VCF1: variants seen among roughly 807,000 people sequenced by gnomAD.
VCF1 encodes the protein VCP nuclear cofactor family member 1, also known as protein VCF1.
At chr17:73,224,840 C>CAGG in the VCF1 span, among the ~76,000 whole-genome samples, 5 of 130,114 alleles carry the variant, frequency 3.8e-5, no homozygotes, top group African/African-American at 9.1e-5. Flanking sequence ...CACAGCACAG[C>CAGG]ACAGGACAGG....
chr17:73,207,701 G>A, the VCF1 span: 12 of 1,292,402 alleles, frequency 9.3e-6, no homozygotes, highest in South Asian at 1.2e-5. Flanking sequence ...TTTCATTTCA[G>A]TACGATGCCA....
chr17:73,212,580 C>T, the VCF1 span: 7 of 881,584 alleles, frequency 7.9e-6, no homozygotes, highest in Admixed American at 1.2e-4. Context: ...TCTACAAAGG[C>T]GTCTCCTAAC....
At chr17:73,229,580 T>C in the VCF1 span, 1 of 985,248 alleles carries the variant, frequency 1.0e-6, no homozygotes, top group Non-Finnish European at 1.2e-6. Context: ...ATCTTAAGAG[T>C]ATGGGCTGGG....
At chr17:73,207,850 C>T in the VCF1 span, 1 of 1,237,050 alleles carries the variant, frequency 8.1e-7, no homozygotes, top group Non-Finnish European at 1.0e-6. Context: ...GCAGTGTATC[C>T]TTTCCGTATT....
the VCF1 span, among the ~76,000 whole-genome samples, chr17:73,225,820 C>G: frequency 2.7e-5 from 4 of 145,680 alleles, no homozygotes; most frequent in African/African-American, 1.0e-4. Flanking sequence ...AATTACCTTT[C>G]TGATAATCAT....
chr17:73,208,060 G>A, the VCF1 span: 5 of 1,391,636 alleles, frequency 3.6e-6, no homozygotes, highest in Non-Finnish European at 4.7e-6. Flanking sequence ...AGCAGGCTGT[G>A]GAGAGAAGTG....
the VCF1 span, among the ~76,000 whole-genome samples, chr17:73,215,530 C>A: frequency 6.6e-6 from 1 of 152,120 alleles, no homozygotes; most frequent in Non-Finnish European, 1.5e-5. Context: ...TGCCTCAGCC[C>A]CACAAAGTGC....
At chr17:73,215,122 A>G in the VCF1 span, among the ~76,000 whole-genome samples, 1 of 152,214 alleles carries the variant, frequency 6.6e-6, no homozygotes, top group Non-Finnish European at 1.5e-5. Context: ...ATCTCTCTCA[A>G]CAATATACAA....
chr17:73,228,801 G>C, the VCF1 span, among the ~76,000 whole-genome samples: 4 of 152,320 alleles, frequency 2.6e-5, no homozygotes, highest in East Asian at 3.9e-4. Flanking sequence ...ATTTGAGTGG[G>C]AGTGTTCTGC....
chr17:73,209,409 A>G, the VCF1 span: 1 of 1,243,088 alleles, frequency 8.0e-7, no homozygotes, highest in South Asian at 1.5e-5. Flanking sequence ...TTTCAAATAT[A>G]GACTGAAAAG....
At chr17:73,209,672 T>A in the VCF1 span, 1 of 1,551,264 alleles carries the variant, frequency 6.4e-7, no homozygotes. Context: ...CCGGCCATGG[T>A]CTGGCTCAAG....
the VCF1 span, among the ~76,000 whole-genome samples, chr17:73,225,887 ATATATATATATATTTTTTTTT>A: frequency 1.3e-4 from 9 of 70,674 alleles, no homozygotes; most frequent in African/African-American, 4.0e-4. Context: ...TATATAATAT[ATATATATATATATTTTTTTTT>A]TTTTTTTTTC....
the VCF1 span, chr17:73,207,609 G>GT: frequency 9.8e-7 from 1 of 1,021,312 alleles, no homozygotes; most frequent in Non-Finnish European, 1.4e-6. Flanking sequence ...GGTGATGATG[G>GT]TTTTATCTTC....
chr17:73,209,884 G>A, the VCF1 span: 38 of 1,446,706 alleles, frequency 2.6e-5, no homozygotes, highest in South Asian at 4.4e-4. Context: ...GCTTGAGGAT[G>A]AAGACATATA....
At chr17:73,217,195 A>G in the VCF1 span, among the ~76,000 whole-genome samples, 3 of 151,920 alleles carry the variant, frequency 2.0e-5, no homozygotes, top group Non-Finnish European at 4.4e-5. Flanking sequence ...AAACAAAACA[A>G]AACAAAAATT....
At chr17:73,207,589 G>A in the VCF1 span, 1 of 860,620 alleles carries the variant, frequency 1.2e-6, no homozygotes, top group Non-Finnish European at 1.7e-6. Context: ...GAGAAAATCT[G>A]TTTTGTTCTG....
At chr17:73,211,122 A>C in the VCF1 span, among the ~76,000 whole-genome samples, 1 of 152,190 alleles carries the variant, frequency 6.6e-6, no homozygotes, top group Non-Finnish European at 1.5e-5. Context: ...TTGGTTCTGA[A>C]ATGTCTGCTT....
chr17:73,207,469 C>T, the VCF1 span: 1 of 668,894 alleles, frequency 1.5e-6, no homozygotes, highest in Non-Finnish European at 2.7e-6. Flanking sequence ...TACCAAGTAG[C>T]CTCTTAATAG....
At chr17:73,217,987 A>G in the VCF1 span, among the ~76,000 whole-genome samples, 1 of 152,254 alleles carries the variant, frequency 6.6e-6, no homozygotes, top group African/African-American at 2.4e-5. Flanking sequence ...AGAAAATAAA[A>G]GATCAATGTA....
Sources: gnomAD v4.1 joint callset for allele counts (sites outside exome capture counted in the v4.1 genomes callset) on GRCh38, gnomAD v4.1.1 for gene constraint, MANE v1.5 for transcripts, NCBI Gene and HGNC (gene_info 2026-07-23, HGNC 2026-07-21) for gene names.